The following NEMP2 variants were observed in gnomAD, a reference collection of about 807,000 sequenced individuals.
The protein encoded by NEMP2 is UPF0571 transmembrane protein.
NEMP2 carries 53 observed loss-of-function variants against 54.2 expected under a neutral mutation model. The ratio of observed to expected loss-of-function variants is 0.98; its 90% confidence interval spans 0.78 to 1.23. The LOEUF (loss-of-function observed/expected upper bound fraction) is 1.23, where lower values mean the gene tolerates loss of function less well. Ranked by LOEUF, NEMP2 falls within the 50% of genes most tolerant of loss-of-function variation. The pLI, the probability that NEMP2 is intolerant of heterozygous loss-of-function variation, is 0.00. For synonymous variants in NEMP2, 197 were observed against 190.3 expected, an observed-to-expected ratio of 1.04 and a Z score of -0.29; for missense variants, 455 against 511.3, an observed-to-expected ratio of 0.89 and a Z score of 1.06.
At position 190,509,199 on chromosome 2, in the gene NEMP2, C is replaced by T; in HGVS notation, c.1244G>A (p.Ser415Asn). The T allele has an allele frequency of 3.2e-6, 5 of 1,551,668 alleles. No individual in the cohort carries two copies. Among genetic ancestry groups the T allele is most frequent in the Non-Finnish European group, 3.5e-6 (4 of 1,147,000 alleles). Residue 415 changes from serine (S) to asparagine (N), a missense_variant, in exon 9 of 9, where the codon AGT becomes AAT. Ser to Asn is a conservative substitution (Grantham distance 46). Around this residue, in one of 3 missense-constraint regions of NEMP2, gnomAD observed 294 missense variants for 333.6 expected, o/e 0.88. Transcript: ENST00000409150. The surrounding 1 kb of genome is among the most constrained non-coding windows in gnomAD (Gnocchi z 6.1). ...CTTGAAGGTCGCATGTCAGGCAGTA[C>T]TCGGGTTAAAGAGCTGCTCTTCCAA... ...AFLEEQLFNP[S>N]TA
chr2:190,551,114 T>A, the NEMP2 span, among the ~76,000 whole-genome samples: 3 of 151,582 alleles, frequency 2.0e-5, no homozygotes, highest in African/African-American at 7.3e-5. Context: ...TTCATCCATC[T>A]TACTAGAAAT....
chr2:190,618,701 C>T, the NEMP2 span, among the ~76,000 whole-genome samples: 10 of 152,108 alleles, frequency 6.6e-5, no homozygotes, highest in Admixed American at 2.0e-4. Flanking sequence ...TGCCTCAGCC[C>T]CTCAAGTAGC....
chr2:190,553,785 A>T, the NEMP2 span, among the ~76,000 whole-genome samples: 1 of 152,308 alleles, frequency 6.6e-6, no homozygotes, highest in Middle Eastern at 3.4e-3. Flanking sequence ...AGAGGCAGAG[A>T]GGAGGATCCT....
rs1247335535 is a variant in NEMP2, at chr2:190,531,335, C to T, written c.97+3224G>A. 6.6e-6 allele frequency among the ~76,000 whole-genome samples: 1 copy of T among 152,168 alleles called. No homozygotes were observed. The highest frequency in any genetic ancestry group is 1.5e-5 in the Non-Finnish European group (1 of 68,028). On this transcript the variant is annotated intron_variant, in intron 1 of 8. Transcript: ENST00000409150. This position sits in a 1 kb window ranked among gnomAD's most constrained non-coding sequence, Gnocchi z 4.7. ...AGGCTATCCCAGGTTTGCCTCAACCCTCAAGGACTGAGGAGTATCTGTGGG... is the reference window on the plus strand; with the variant it reads ...AGGCTATCCCAGGTTTGCCTCAACCTTCAAGGACTGAGGAGTATCTGTGGG...
In NEMP2 at chr2:190,528,585, C is replaced by A. The variant is rs1489458497; in HGVS notation, c.98-3207G>T. ...CTTCCAGACAGGTCTTTCTTCACCA[C>A]CCATGTGCTCAATGCTAGATGGGCT... On this transcript the variant is annotated intron_variant, in intron 1 of 8. Coordinates refer to ENST00000409150, the MANE Select transcript of NEMP2 (RefSeq NM_001142645.2). This position sits in a 1 kb window ranked among gnomAD's most constrained non-coding sequence, Gnocchi z 4.3. Among the ~76,000 whole-genome samples, 1 of 152,172 alleles carries A rather than the reference C, an allele frequency of 6.6e-6. No individual in the cohort carries two copies. Among genetic ancestry groups the A allele is most frequent in the Non-Finnish European group, 1.5e-5 (1 of 68,024 alleles).
At chr2:190,490,440 G>A in the NEMP2 span, among the ~76,000 whole-genome samples, 1 of 151,972 alleles carries the variant, frequency 6.6e-6, no homozygotes, top group Non-Finnish European at 1.5e-5. The surrounding 1 kb of genome is among the most constrained non-coding windows in gnomAD (Gnocchi z 4.5). Flanking sequence ...GTGGGCGCCT[G>A]TAATCCCAGC....
chr2:190,611,751 C>T, the NEMP2 span, among the ~76,000 whole-genome samples: 32,624 of 152,158 alleles, frequency 0.21, 4,228 homozygotes, highest in East Asian at 0.42. The surrounding 1 kb of genome is among the most constrained non-coding windows in gnomAD (Gnocchi z 5.4). Context: ...ATTTTGCTTT[C>T]CTTACACACC....
Position 190,513,010 on chromosome 2 carries a change from T to C in NEMP2, c.953+1443A>G, listed in dbSNP as rs1690422794. On this transcript the variant is annotated intron_variant, in intron 7 of 8. Transcript: ENST00000409150. The surrounding 1 kb of genome is among the most constrained non-coding windows in gnomAD (Gnocchi z 5.3). ...TTGAACATTTATTCACTCCCTCTTC[T>C]AGCCTTGGTCTCATGGTCCTACCCT... is the stretch of plus-strand genomic sequence containing the variant. Among the ~76,000 whole-genome samples the C allele has an allele frequency of 6.6e-6, 1 of 152,172 alleles. No homozygotes were observed. Among genetic ancestry groups the C allele is most frequent in the Non-Finnish European group, 1.5e-5 (1 of 68,026 alleles).
At chr2:190,471,837 C>T in the NEMP2 span, among the ~76,000 whole-genome samples, 1 of 152,196 alleles carries the variant, frequency 6.6e-6, no homozygotes, top group African/African-American at 2.4e-5. The surrounding 1 kb of genome is among the most constrained non-coding windows in gnomAD (Gnocchi z 4.7). Flanking sequence ...GGGAGGCACC[C>T]CCCAGTAGGG....
chr2:190,629,991 C>A, the NEMP2 span, among the ~76,000 whole-genome samples: 61 of 152,334 alleles, frequency 4.0e-4, no homozygotes, highest in Non-Finnish European at 6.8e-4. Context: ...GGGGGATGTG[C>A]TTCAGTCAAA....
the NEMP2 span, among the ~76,000 whole-genome samples, chr2:190,613,321 C>A: frequency 2.6e-5 from 4 of 151,970 alleles, no homozygotes; most frequent in African/African-American, 7.3e-5. Flanking sequence ...CTTCATTAAA[C>A]CAATATTAAT....
chr2:190,488,367 G>T, the NEMP2 span, among the ~76,000 whole-genome samples: 1 of 152,098 alleles, frequency 6.6e-6, no homozygotes, highest in Admixed American at 6.5e-5. This position sits in a 1 kb window ranked among gnomAD's most constrained non-coding sequence, Gnocchi z 6.4. Flanking sequence ...GTGGTTGTCA[G>T]GGGATGGGAC....
At chr2:190,556,827 G>A in the NEMP2 span, among the ~76,000 whole-genome samples, 4 of 152,246 alleles carry the variant, frequency 2.6e-5, no homozygotes, top group East Asian at 7.7e-4. Context: ...AATAAGAGAG[G>A]ACACAAACAA....
the NEMP2 span, among the ~76,000 whole-genome samples, chr2:190,447,265 T>C: frequency 1.3e-5 from 2 of 152,238 alleles, no homozygotes; most frequent in Non-Finnish European, 2.9e-5. The surrounding 1 kb of genome is among the most constrained non-coding windows in gnomAD (Gnocchi z 4.5). Context: ...TGTTTTGTTT[T>C]GCTTTTAGCC....
At chr2:190,568,153 G>T in the NEMP2 span, 1 of 152,156 alleles carries the variant, frequency 6.6e-6, no homozygotes, top group Non-Finnish European at 1.5e-5. This position sits in a 1 kb window ranked among gnomAD's most constrained non-coding sequence, Gnocchi z 4.7. Flanking sequence ...AGAAATGGGG[G>T]ATCTATCACC....
chr2:190,524,532 T>TC (rs1052088779), intron 2 of NEMP2, among the ~76,000 whole-genome samples: 1 of 152,062 alleles, frequency 6.6e-6, no homozygotes, highest in Admixed American at 6.5e-5. Flanking sequence ...AGAACACCCT[T>TC]CCCCCCAGTA....
rs1401443315 is a variant in NEMP2 at position 190,516,371 on chromosome 2, CA to C, written c.625del (p.Trp209GlyfsTer3). 1 of 1,551,006 alleles carries C rather than the reference CA, an allele frequency of 6.4e-7. No individual in the cohort carries two copies. Among genetic ancestry groups the C allele is most frequent in the South Asian group, 1.2e-5 (1 of 84,006 alleles). ...AAACCAACAACCAACCATTAGAGCCCAAAAGGTGCTATACTGTGTGTGGAAG... is the reference window on the plus strand; with the variant it reads ...AAACCAACAACCAACCATTAGAGCCCAAAGGTGCTATACTGTGTGTGGAAG... ...KRFIPKYSTF[W>X]ALMVGCWFAS... On this transcript the variant is annotated frameshift_variant, in exon 6 of 9. Transcript: ENST00000409150. LOFTEE classifies it high-confidence loss of function.
At chr2:190,569,039 A>G in the NEMP2 span, among the ~76,000 whole-genome samples, 2 of 152,198 alleles carry the variant, frequency 1.3e-5, no homozygotes, top group African/African-American at 4.8e-5. Context: ...AGCTGAGGCC[A>G]GGTGTGGTGG....
chr2:190,503,636 T>C (rs1351363985), downstream of NEMP2, among the ~76,000 whole-genome samples: 1 of 152,100 alleles, frequency 6.6e-6, no homozygotes, highest in Non-Finnish European at 1.5e-5. The surrounding 1 kb of genome is among the most constrained non-coding windows in gnomAD (Gnocchi z 6.3). Context: ...GATTTTCCAT[T>C]TGGAAGTTCT....
Sources: allele counts gnomAD v4.1 joint callset (sites outside exome capture counted in the v4.1 genomes callset), GRCh38; gene constraint gnomAD v4.1.1; regional missense constraint gnomAD v4.1.1; non-coding constraint Gnocchi (gnomAD v3.1); transcripts MANE v1.5; gene names NCBI Gene and HGNC (gene_info 2026-07-23, HGNC 2026-07-21).